Variants in CYP4F11 observed in about 807,000 individuals in gnomAD.
CYP4F11 encodes the protein cytochrome P450 family 4 subfamily F member 11, also known as cytochrome P450 4F11.
Under a neutral mutation model 62.2 loss-of-function variants are expected in CYP4F11, and 79 were observed. The observed-to-expected ratio is 1.27, with a 90% CI of 1.06 to 1.53. The LOEUF (loss-of-function observed/expected upper bound fraction) is 1.53, where lower values mean the gene tolerates loss of function less well. Among genes scored for constraint, CYP4F11 ranks in the 40% most tolerant of loss-of-function variants. The pLI, the probability that CYP4F11 is intolerant of heterozygous loss-of-function variation, is 0.00. For missense variants in CYP4F11, 777 were observed against 680.5 expected, an observed-to-expected ratio of 1.14 and a Z score of -1.58; for synonymous variants, 290 against 263.7, an observed-to-expected ratio of 1.10 and a Z score of -0.97.
chr19:15,922,260 G>A (rs996205611), intron 7 of CYP4F11, 94 bp from the exon 8 acceptor site: 4 of 1,598,334 alleles, frequency 2.5e-6, no homozygotes, highest in South Asian at 1.1e-5. Context: ...GAGAATGTAG[G>A]GAGGAGGAGG....
In CYP4F11 at chr19:15,912,757, G is replaced by GTATATA. The variant is rs1436794681; in HGVS notation, c.*974_*975insTATATA. On this transcript the variant is annotated 3_prime_UTR_variant, in exon 12 of 12. Coordinates refer to ENST00000402119, the MANE Select transcript of CYP4F11 (RefSeq NM_021187.4). ...TGTATATGTATATATGTGTGTGTGT[G>GTATATA]TGTGTGTGTGTGTGTATATATATAT... is the stretch of plus-strand genomic sequence containing the variant. The GTATATA allele has an allele frequency of 7.1e-4, 30 of 42,010 alleles. 2 individuals carry two copies. The East Asian group carries it at 7.4e-3, about 10-fold the overall frequency. The allele number at this position is 42,010 out of a possible 1,614,324, so 2.6% of individuals were successfully genotyped here.
chr19:15,930,970 C>A (rs1339254915), intron 1 of CYP4F11, among the ~76,000 whole-genome samples: 1 of 152,222 alleles, frequency 6.6e-6, no homozygotes, highest in African/African-American at 2.4e-5. Context: ...CCGATGGACA[C>A]GCCCATCAAT....
intron 11 of CYP4F11, 87 bp from the exon 12 acceptor site, chr19:15,913,996 C>T (rs906856723): frequency 8.8e-6 from 13 of 1,479,990 alleles, no homozygotes; most frequent in South Asian, 2.6e-5. Flanking sequence ...GGACCCCAAA[C>T]GCACCCACAT....
At chr19:15,916,473 G>A (rs978096569) in intron 8 of CYP4F11, among the ~76,000 whole-genome samples, 1 of 152,034 alleles carries the variant, frequency 6.6e-6, no homozygotes, top group Non-Finnish European at 1.5e-5. Flanking sequence ...GAAACAATCA[G>A]CAGAGTAAAC....
rs2089629690 is a variant in CYP4F11 at position 15,921,595 on chromosome 19, A to G, written c.1115+442T>C. The stretch of plus-strand genomic sequence containing the variant: ...GTGTAGGAGCATTTGCTGAATGAAG[A>G]CTGGATGGATGAACAATGCAGGTGT... On this transcript the variant is annotated intron_variant, in intron 8 of 11. Coordinates refer to ENST00000402119, the MANE Select transcript of CYP4F11 (RefSeq NM_021187.4). Among the ~76,000 whole-genome samples the G allele has an allele frequency of 3.9e-5, 6 of 152,318 alleles. No homozygotes were observed. In the South Asian group the frequency reaches 1.2e-3, roughly 32 times the overall value.
intron 11 of CYP4F11, 74 bp from the exon 12 acceptor site, chr19:15,913,983 C>T: frequency 1.3e-6 from 2 of 1,529,680 alleles, no homozygotes; most frequent in Non-Finnish European, 1.8e-6. Context: ...AGAACCTGGC[C>T]TGGGACCCCA....
Position 15,912,680 on chromosome 19 carries a change from A to AAAAAAAAAAAAAAAT in CYP4F11, c.*1051_*1052insATTTTTTTTTTTTTT, listed in dbSNP as rs59091525. 5 of 66,152 alleles carry AAAAAAAAAAAAAAAT rather than the reference A, an allele frequency of 7.6e-5. No homozygotes were observed. The highest frequency in any genetic ancestry group is 3.2e-4 in the African/African-American group (5 of 15,512). 4.1% of individuals were successfully genotyped at this position (66,152 alleles called of 1,614,324 possible). A position where few individuals can be genotyped will look rare whatever the true frequency, so the allele number is the denominator to read the frequency against. ...TCACCATCCTCAGGAAAAAAAAAAAAATATATATATATATATATGTGTGTG... is the reference window on the plus strand; with the variant it reads ...TCACCATCCTCAGGAAAAAAAAAAAAAAAAAAAAAAAAAATATATATATATATATATATGTGTGTG... On this transcript the variant is annotated 3_prime_UTR_variant, in exon 12 of 12. Transcript: ENST00000402119.
In CYP4F11 at chr19:15,931,703, A is replaced by G. The variant is rs62104234; in HGVS notation, c.199-2102T>C. On this transcript the variant is annotated intron_variant, in intron 1 of 11. Transcript: ENST00000402119. ...GAGCGAGGAGAGGAATGAGTGAGCGAGGAGAGGAATGAGTGAGCGAGGAGA... is the reference window on the plus strand; with the variant it reads ...GAGCGAGGAGAGGAATGAGTGAGCGGGGAGAGGAATGAGTGAGCGAGGAGA... Among the ~76,000 whole-genome samples the G allele has an allele frequency of 6.8e-3, 243 of 35,488 alleles. 2 individuals carry two copies. Among genetic ancestry groups the G allele is most frequent in the South Asian group, 0.021 (14 of 680 alleles). 23.3% of individuals were successfully genotyped at this position (35,488 alleles called of 152,430 possible).
Position 15,913,786 on chromosome 19 carries a change from G to A in CYP4F11, c.1521C>T (p.Arg507=), listed in dbSNP as rs774161991. 1.1e-5 allele frequency: 18 copies of A among 1,614,068 alleles called. No homozygotes were observed. Among genetic ancestry groups the A allele is most frequent in the African/African-American group, 2.7e-5 (2 of 74,938 alleles). Reference sequence around the variant, plus strand: ...CCCGCAGCCAAAGTCCACCCTCTGCGCGCAATATCAGCTCGGGTTTCCTGC... The same window carrying A: ...CCCGCAGCCAAAGTCCACCCTCTGCACGCAATATCAGCTCGGGTTTCCTGC... ...EPRRKPELIL[R]AEGGLWLRVE... is the part of the protein sequence containing the mutation. Residue 507 remains arginine (R), a synonymous_variant, in exon 12 of 12, where the codon CGC becomes CGT. Transcript: ENST00000402119.
intron 5 of CYP4F11, 136 bp from the exon 6 acceptor site, chr19:15,924,218 CTG>C (rs2089651985): frequency 8.9e-7 from 1 of 1,119,788 alleles, no homozygotes; most frequent in Non-Finnish European, 1.3e-6. Context: ...ACTCTCTTCT[CTG>C]AGGCATTCCA....
chr19:15,922,483 G>T (rs1049048148), intron 6 of CYP4F11, 53 bp from the exon 7 acceptor site: 4 of 1,572,094 alleles, frequency 2.5e-6, no homozygotes, highest in Non-Finnish European at 3.5e-6. Context: ...AGCTCTGAAG[G>T]CTCTTGAGTC....
intron 8 of CYP4F11, among the ~76,000 whole-genome samples, chr19:15,918,948 C>T (rs951279201): frequency 2.2e-5 from 3 of 139,284 alleles, no homozygotes; most frequent in Non-Finnish European, 4.7e-5. Context: ...AAAAAAAAAA[C>T]AGCTGTAAGA....
intron 8 of CYP4F11, among the ~76,000 whole-genome samples, chr19:15,918,256 G>A (rs1345653640): frequency 6.6e-6 from 1 of 152,094 alleles, no homozygotes; most frequent in Non-Finnish European, 1.5e-5. Flanking sequence ...TGGACACATG[G>A]TGGGGAACAA....
At chr19:15,919,066 A>T (rs1052730947) in intron 8 of CYP4F11, among the ~76,000 whole-genome samples, 2 of 150,340 alleles carry the variant, frequency 1.3e-5, no homozygotes, top group African/African-American at 2.4e-5. Context: ...ATGTATATGG[A>T]AATATACACA....
intron 2 of CYP4F11, 101 bp from the exon 3 acceptor site, chr19:15,927,584 C>G: frequency 6.7e-7 from 1 of 1,484,360 alleles, no homozygotes; most frequent in Non-Finnish European, 9.3e-7. Flanking sequence ...TTCCACGCAT[C>G]CCACCCAGCA....
At chr19:15,919,521 T>TAGATAGATAGATAGACAGAC (rs1191784843) in intron 8 of CYP4F11, among the ~76,000 whole-genome samples, 15 of 146,074 alleles carry the variant, frequency 1.0e-4, no homozygotes, top group African/African-American at 3.5e-4. Flanking sequence ...GATAGATAGA[T>TAGATAGATAGATAGACAGAC]AGACAGATAG....
intron 1 of CYP4F11, 141 bp from the exon 2 acceptor site, chr19:15,929,742 G>T: frequency 4.0e-6 from 4 of 991,186 alleles, no homozygotes; most frequent in South Asian, 3.4e-5. Context: ...TGTGTCCATC[G>T]GTGTATTTCC....
rs2089649815 is a variant in CYP4F11, at chr19:15,923,974, A to G, written c.756T>C (p.Asp252=). Residue 252 remains aspartate, a synonymous_variant, in exon 6 of 12, where the codon GAT becomes GAC. Coordinates refer to ENST00000402119, the MANE Select transcript of CYP4F11 (RefSeq NM_021187.4). ...HTDFLYYLTP[D]GQRFRRACHL... The stretch of plus-strand genomic sequence containing the variant: ...GGCAGGCCCTGCGGAAGCGCTGCCC[A>G]TCAGGAGTGAGATAATACAGGAAGT... 1.9e-6 allele frequency: 3 copies of G among 1,614,214 alleles called. No individual in the cohort carries two copies. The highest frequency in any genetic ancestry group is 2.5e-6 in the Non-Finnish European group (3 of 1,180,042).
At chr19:15,917,459 C>T (rs896775175) in intron 8 of CYP4F11, among the ~76,000 whole-genome samples, 1 of 152,036 alleles carries the variant, frequency 6.6e-6, no homozygotes, top group African/African-American at 2.4e-5. Flanking sequence ...GTTACAGTAA[C>T]AAATGTAGCA....
Sources: gnomAD v4.1 joint callset for allele counts (sites outside exome capture counted in the v4.1 genomes callset) on GRCh38, gnomAD v4.1.1 for gene constraint, MANE v1.5 for transcripts, NCBI Gene and HGNC (gene_info 2026-07-23, HGNC 2026-07-21) for gene names.